KCNQ1: variants seen among roughly 807,000 people sequenced by gnomAD.
The protein encoded by KCNQ1 is potassium voltage-gated channel subfamily KQT member 1.
A neutral mutation model predicts 72.4 loss-of-function variants in KCNQ1; 49 were observed. The observed-to-expected ratio is 0.68, with a 90% CI of 0.54 to 0.86. The LOEUF is 0.86. Among genes scored for constraint, KCNQ1 ranks in the 40% least tolerant of loss-of-function variants. The probability of loss-of-function intolerance (pLI) is 0.00; values close to 1 mark genes in which losing one functional copy is unlikely to be tolerated. For missense variants in KCNQ1, 790 were observed against 945.1 expected (o/e 0.84, Z 2.15); for synonymous variants, 450 against 412.6 (o/e 1.09, Z -1.10).
intron 1 of KCNQ1, among the ~76,000 whole-genome samples, chr11:2,455,359 A>C (rs942272290): frequency 1.3e-5 from 2 of 152,166 alleles, no homozygotes; most frequent in Non-Finnish European, 2.9e-5. Flanking sequence ...TGGCCTCCCA[A>C]AGTGCTGGGA....
chr11:2,768,957 C>A lies in KCNQ1; in HGVS notation c.1590+38C>A, dbSNP rs777634279. The A allele has an allele frequency of 9.9e-6, 15 of 1,514,248 alleles. No homozygotes were observed. The highest frequency in any genetic ancestry group is 1.4e-5 in the Non-Finnish European group (15 of 1,089,692). 93.8% of individuals were successfully genotyped at this position (1,514,248 alleles called of 1,614,324 possible). On this transcript the variant is annotated intron_variant, in intron 12 of 15. Transcript: ENST00000155840. This position sits in a 1 kb window ranked among gnomAD's most constrained non-coding sequence, Gnocchi z 6.7. ...CTGAGCCTTCCTGCCCTCAGCCTGC[C>A]CCTCGCAGCCTGATGCAGCTGCCCA...
Position 2,541,528 on chromosome 11 carries a change from C to G in KCNQ1, c.477+13510C>G, listed in dbSNP as rs1182571978. On this transcript the variant is annotated intron_variant, in intron 2 of 15. Coordinates refer to ENST00000155840, the MANE Select transcript of KCNQ1 (RefSeq NM_000218.3). The surrounding 1 kb of genome is among the most constrained non-coding windows in gnomAD (Gnocchi z 4.8). Reference sequence around the variant, plus strand: ...CTCAGTGTGGCCTACCCAGCCAGGTCCCTGGACCTGGCGGTGGCTATGAAA... The same window carrying G: ...CTCAGTGTGGCCTACCCAGCCAGGTGCCTGGACCTGGCGGTGGCTATGAAA... Among the ~76,000 whole-genome samples the G allele has an allele frequency of 6.6e-6, 1 of 151,920 alleles. No homozygotes were observed. Among genetic ancestry groups the G allele is most frequent in the East Asian group, 1.9e-4 (1 of 5,156 alleles).
intron 10 of KCNQ1, chr11:2,646,333 T>C (rs897861418): frequency 7.5e-6 from 3 of 398,516 alleles, no homozygotes; most frequent in African/African-American, 4.1e-5. Context: ...TTTCAATCCA[T>C]GAGCATGGGA....
rs535426121 is a variant in KCNQ1, at chr11:2,570,511, T to C, written c.478-117T>C. The C allele has an allele frequency of 9.1e-4, 1,286 of 1,406,130 alleles. 1 individual carries two copies. The highest frequency in any genetic ancestry group is 1.2e-3 in the Non-Finnish European group (1,205 of 1,021,140). 87.1% of individuals were successfully genotyped at this position (1,406,130 alleles called of 1,614,324 possible). On this transcript the variant is annotated intron_variant, in intron 2 of 15. Transcript: ENST00000155840. ...AGCAGGCCAGGACCCGGGCCTGCTG[T>C]TCTCAGGGTGTCCTTCAGCGGAGGC... is the stretch of plus-strand genomic sequence containing the variant.
Position 2,715,110 on chromosome 11 carries a change from G to C in KCNQ1, c.1514+53029G>C, listed in dbSNP as rs1025457076. Among the ~76,000 whole-genome samples, 11 of 152,190 alleles carry C rather than the reference G, an allele frequency of 7.2e-5. No individual in the cohort carries two copies. The highest frequency in any genetic ancestry group is 2.6e-4 in the Admixed American group (4 of 15,298). On this transcript the variant is annotated intron_variant, in intron 11 of 15. Coordinates refer to ENST00000155840, the MANE Select transcript of KCNQ1 (RefSeq NM_000218.3). The surrounding 1 kb of genome is among the most constrained non-coding windows in gnomAD (Gnocchi z 4.9). ...CTGATGATACTTGGCGAGGATGACC[G>C]CAAGTGTCTTGACCCAAACATGAGA...
At chr11:2,686,905 C>T (rs1185663210) in intron 11 of KCNQ1, 2 of 398,702 alleles carry the variant, frequency 5.0e-6, no homozygotes, top group Non-Finnish European at 8.8e-6. Flanking sequence ...ATAGAGGCAA[C>T]CCAATCCAGG....
intron 10 of KCNQ1, chr11:2,637,323 C>G (rs982807200): frequency 1.3e-5 from 2 of 152,190 alleles, no homozygotes; most frequent in African/African-American, 2.4e-5. Context: ...GCATTTAGTG[C>G]TATAAATTTC....
chr11:2,586,435 A>G (rs901523782), intron 8 of KCNQ1, among the ~76,000 whole-genome samples: 1 of 152,176 alleles, frequency 6.6e-6, no homozygotes, highest in Non-Finnish European at 1.5e-5. Context: ...TGGTCCCAGC[A>G]TGAGCATGCT....
chr11:2,455,054 G>A (rs1846167864), intron 1 of KCNQ1, among the ~76,000 whole-genome samples: 1 of 151,652 alleles, frequency 6.6e-6, no homozygotes, highest in African/African-American at 2.4e-5. Flanking sequence ...TTCTGGAACT[G>A]TAAGTGAAGT....
intron 15 of KCNQ1, among the ~76,000 whole-genome samples, chr11:2,814,348 T>A (rs983519044): frequency 6.8e-6 from 1 of 148,098 alleles, no homozygotes; most frequent in African/African-American, 2.5e-5. Context: ...GGTGGAGAGA[T>A]GGATGAATGG....
chr11:2,662,152 G>A, intron 11 of KCNQ1, 71 bp downstream of exon 11: 3 of 1,603,190 alleles, frequency 1.9e-6, no homozygotes, highest in Admixed American at 3.3e-5. Context: ...ACTTGGTGCT[G>A]GGGAAGCCTT....
rs560264428 is a variant in KCNQ1, at chr11:2,512,134, C to T, written c.387-15794C>T. ...GCCAGGGCTTCCCATGGGCCATACA[C>T]ACTCAGTCGAACAAGATTTGCACAA... On this transcript the variant is annotated intron_variant, in intron 1 of 15. Coordinates refer to ENST00000155840, the MANE Select transcript of KCNQ1 (RefSeq NM_000218.3). Among the ~76,000 whole-genome samples, 34 of 152,328 alleles carry T rather than the reference C, an allele frequency of 2.2e-4. No homozygotes were observed. In the South Asian group the frequency reaches 3.9e-3, roughly 18 times the overall value.
chr11:2,668,458 C>A lies in KCNQ1; in HGVS notation c.1514+6377C>A. 1 of 398,610 alleles carries A rather than the reference C, an allele frequency of 2.5e-6. No individual in the cohort carries two copies. The highest frequency in any genetic ancestry group is 3.6e-5 in the East Asian group (1 of 28,068). The allele number at this position is 398,610 out of a possible 1,614,324, so 24.7% of individuals were successfully genotyped here. On this transcript the variant is annotated intron_variant, in intron 11 of 15. Coordinates refer to ENST00000155840, the MANE Select transcript of KCNQ1 (RefSeq NM_000218.3). The surrounding 1 kb of genome is among the most constrained non-coding windows in gnomAD (Gnocchi z 4.3). ...GGCTGCTCCACATCCTAACACTTGG[C>A]ATTTTCCGTCGTTTCCTTTTCAGCC...
At chr11:2,589,434 G>A (rs760050840) in intron 10 of KCNQ1, among the ~76,000 whole-genome samples, 3 of 152,240 alleles carry the variant, frequency 2.0e-5, no homozygotes, top group African/African-American at 4.8e-5. Context: ...GGGACCTGAC[G>A]ATTGGATGGC....
At chr11:2,819,336 G>T (rs1847685367) in intron 15 of KCNQ1, among the ~76,000 whole-genome samples, 1 of 152,132 alleles carries the variant, frequency 6.6e-6, no homozygotes, top group Non-Finnish European at 1.5e-5. Context: ...GCTTTTATGA[G>T]GCCCAGCCCA....
chr11:2,568,290 TA>T (rs1848275592), intron 2 of KCNQ1, among the ~76,000 whole-genome samples: 1 of 151,476 alleles, frequency 6.6e-6, no homozygotes, highest in Non-Finnish European at 1.5e-5. Flanking sequence ...AATAAATAAA[TA>T]AATAAATAAA....
At chr11:2,836,697 A>G (rs1276460387) in intron 15 of KCNQ1, among the ~76,000 whole-genome samples, 2 of 152,224 alleles carry the variant, frequency 1.3e-5, no homozygotes, top group East Asian at 3.9e-4. Context: ...TCGCATGGAA[A>G]CAAGCAGTGG....
rs142537894 is a variant in KCNQ1 at position 2,460,735 on chromosome 11, C to T, written c.386+15251C>T. Among the ~76,000 whole-genome samples, 980 of 152,322 alleles carry T rather than the reference C, an allele frequency of 6.4e-3. 8 individuals are homozygous for T. Among genetic ancestry groups the T allele is most frequent in the African/African-American group, 0.022 (899 of 41,568 alleles). On this transcript the variant is annotated intron_variant, in intron 1 of 15. Transcript: ENST00000155840. ...GGCTGGGTGGGAGCAACCCCCCATCCGGGTGGCTGTGGCCGAGGCCCTTAT... is the reference window on the plus strand; with the variant it reads ...GGCTGGGTGGGAGCAACCCCCCATCTGGGTGGCTGTGGCCGAGGCCCTTAT...
Position 2,783,288 on chromosome 11 carries a change from T to C in KCNQ1, c.1794+5251T>C, listed in dbSNP as rs183949708. Among the ~76,000 whole-genome samples, 3 of 152,180 alleles carry C rather than the reference T, an allele frequency of 2.0e-5. No individual in the cohort carries two copies. The highest frequency in any genetic ancestry group is 2.0e-4 in the Admixed American group (3 of 15,288). ...TAATTGTAGCACAGCTTTCTCATAA[T>C]GTTGCCCTCTTGTCAGAGAAAGCAA... On this transcript the variant is annotated intron_variant, in intron 15 of 15. Transcript: ENST00000155840. This position sits in a 1 kb window ranked among gnomAD's most constrained non-coding sequence, Gnocchi z 5.2.
Sources: gnomAD v4.1 joint callset for allele counts (sites outside exome capture counted in the v4.1 genomes callset) on GRCh38, gnomAD v4.1.1 for gene constraint, Gnocchi (gnomAD v3.1) non-coding constraint, MANE v1.5 for transcripts, NCBI Gene and HGNC (gene_info 2026-07-23, HGNC 2026-07-21) for gene names.